The following EIF4G3 variants were observed in gnomAD, a reference collection of about 807,000 sequenced individuals.
EIF4G3 encodes eIF-4-gamma 3.
EIF4G3 carries 34 observed loss-of-function variants against 186.4 expected under a neutral mutation model. The ratio of observed to expected loss-of-function variants is 0.18; its 90% CI spans 0.14 to 0.24. EIF4G3 has a LOEUF of 0.24. EIF4G3 is among the 10% of genes least tolerant of loss of function. EIF4G3 has a pLI of 1.00. For missense variants in EIF4G3, 1,536 were observed against 1,948.5 expected (o/e 0.79, Z 3.99); for synonymous variants, 673 against 679.5 (o/e 0.99, Z 0.15).
chr1:20,936,756 A>G (rs1484907899), intron 14 of EIF4G3, among the ~76,000 whole-genome samples: 4 of 152,218 alleles, frequency 2.6e-5, no homozygotes, highest in African/African-American at 7.2e-5. Context: ...TGTTATTAAA[A>G]TATTTTTCTT....
chr1:21,025,088 A>T (rs2091859179), intron 4 of EIF4G3, among the ~76,000 whole-genome samples: 1 of 152,166 alleles, frequency 6.6e-6, no homozygotes, highest in Non-Finnish European at 1.5e-5. Flanking sequence ...AGGCAAAACA[A>T]GGAATATTTT....
chr1:21,040,056 T>C (rs999954396), intron 4 of EIF4G3, among the ~76,000 whole-genome samples: 2 of 152,204 alleles, frequency 1.3e-5, no homozygotes, highest in African/African-American at 2.4e-5. Context: ...TCACACAACT[T>C]CTAAAAACCT....
rs765620407 is a variant in EIF4G3, at chr1:20,807,460, C to T, written c.4785G>A (p.Glu1595=). 3.7e-6 allele frequency: 6 copies of T among 1,609,924 alleles called. No individual in the cohort carries two copies. Among genetic ancestry groups the T allele is most frequent in the Non-Finnish European group, 4.2e-6 (5 of 1,177,222 alleles). ...TGTAGAAGGCATCCTCGGAGATCAC[C>T]TCCTCGTCATATAGACAATCAAAAA... ...RMFFDCLYDE[E]VISEDAFYKW... is the part of the protein sequence containing the mutation. Residue 1595 remains glutamate (E), a synonymous_variant, in exon 37 of 37, where the codon GAG becomes GAA. Coordinates refer to ENST00000602326, the MANE Select transcript of EIF4G3 (RefSeq NM_001391906.1).
At chr1:20,906,585 T>C (rs1411299770) in intron 14 of EIF4G3, among the ~76,000 whole-genome samples, 2 of 151,994 alleles carry the variant, frequency 1.3e-5, no homozygotes, top group African/African-American at 4.8e-5. Context: ...CACAAATATA[T>C]CAAATATACT....
chr1:21,130,215 TC>T (rs1404173510), intron 2 of EIF4G3, among the ~76,000 whole-genome samples: 103 of 114,336 alleles, frequency 9.0e-4, no homozygotes, highest in Non-Finnish European at 1.5e-3. Flanking sequence ...AGACCCCATC[TC>T]TTTTTTTTTT....
chr1:21,057,388 G>T (rs995628751), intron 3 of EIF4G3, among the ~76,000 whole-genome samples: 1 of 152,030 alleles, frequency 6.6e-6, no homozygotes, highest in Non-Finnish European at 1.5e-5. Context: ...CTGAGTAAAA[G>T]ATTAAGAAGA....
At chr1:20,828,660 C>T (rs760270127) in intron 31 of EIF4G3, among the ~76,000 whole-genome samples, 2 of 152,148 alleles carry the variant, frequency 1.3e-5, no homozygotes. Flanking sequence ...TGGGAACCAC[C>T]GGTCTATATA....
intron 2 of EIF4G3, among the ~76,000 whole-genome samples, chr1:21,166,047 T>A (rs1036783114): frequency 1.6e-5 from 2 of 122,202 alleles, no homozygotes; most frequent in African/African-American, 5.6e-5. Flanking sequence ...TTTGTTCATA[T>A]TGATCACCCA....
At chr1:21,136,533 C>A (rs1037096545) in intron 2 of EIF4G3, among the ~76,000 whole-genome samples, 6 of 151,454 alleles carry the variant, frequency 4.0e-5, no homozygotes, top group African/African-American at 1.5e-4. Context: ...AAAACAAAAA[C>A]AAACAAACAA....
intron 2 of EIF4G3, among the ~76,000 whole-genome samples, chr1:21,122,795 C>T (rs2096950168): frequency 1.3e-5 from 2 of 152,136 alleles, no homozygotes; most frequent in African/African-American, 4.8e-5. Context: ...TCTTAGTCTG[C>T]CAGTTTGTAT....
At chr1:20,883,367 C>G (rs527513460) in intron 19 of EIF4G3, among the ~76,000 whole-genome samples, 4 of 152,056 alleles carry the variant, frequency 2.6e-5, no homozygotes, top group African/African-American at 9.7e-5. Context: ...GCCTGTAATC[C>G]CCGCACTTTG....
intron 4 of EIF4G3, among the ~76,000 whole-genome samples, chr1:21,008,261 A>T (rs1194726005): frequency 2.6e-5 from 4 of 152,238 alleles, no homozygotes; most frequent in African/African-American, 9.6e-5. Context: ...GAAATCTAGC[A>T]CAAAGAAAAC....
intron 33 of EIF4G3, among the ~76,000 whole-genome samples, chr1:20,820,882 G>T (rs1457224825): frequency 2.0e-5 from 3 of 152,020 alleles, no homozygotes; most frequent in African/African-American, 7.2e-5. Flanking sequence ...CCTGCCTGTG[G>T]AGAGGAGCTA....
At chr1:20,848,596 T>C (rs1378099274) in intron 29 of EIF4G3, among the ~76,000 whole-genome samples, 1 of 152,216 alleles carries the variant, frequency 6.6e-6, no homozygotes, top group African/African-American at 2.4e-5. Flanking sequence ...AGGTAAGGGT[T>C]AAAGGGCAAA....
chr1:20,847,933 T>C (rs1247746311), intron 29 of EIF4G3: 2 of 448,530 alleles, frequency 4.5e-6, no homozygotes, highest in East Asian at 7.0e-5. Flanking sequence ...GGAAAGCAGA[T>C]GATGATTACA....
intron 4 of EIF4G3, among the ~76,000 whole-genome samples, chr1:21,024,025 C>A (rs1005219268): frequency 1.3e-5 from 2 of 149,290 alleles, no homozygotes; most frequent in Non-Finnish European, 3.0e-5. Flanking sequence ...TGCCTGGCAA[C>A]CACCCCGTCT....
At chr1:21,006,033 C>T (rs745426795) in intron 4 of EIF4G3, among the ~76,000 whole-genome samples, 2 of 152,106 alleles carry the variant, frequency 1.3e-5, no homozygotes, top group African/African-American at 4.8e-5. Flanking sequence ...GAATGCTTAA[C>T]GGTGGCACAT....
At chr1:20,914,118 T>TC (rs1264744218) in intron 14 of EIF4G3, among the ~76,000 whole-genome samples, 5 of 151,966 alleles carry the variant, frequency 3.3e-5, no homozygotes, top group African/African-American at 7.3e-5. Context: ...TTTTTTTTTT[T>TC]CTTTTCTAAC....
In EIF4G3 at chr1:21,176,729, G is replaced by A. The variant is rs1157882640; in HGVS notation, c.-463C>T. On this transcript the variant is annotated 5_prime_UTR_variant, in exon 1 of 37. Transcript: ENST00000602326. ...GAGGCGGAGAGACCGGACCTTTCAC[G>A]GCAATATCCTCATGGGCCGGCGGCG... 1 of 684,890 alleles carries A rather than the reference G, an allele frequency of 1.5e-6. No individual in the cohort carries two copies. The highest frequency in any genetic ancestry group is 2.6e-6 in the Non-Finnish European group (1 of 377,570). The allele number at this position is 684,890 out of a possible 1,614,324, so 42.4% of individuals were successfully genotyped here. A position where few individuals can be genotyped will look rare whatever the true frequency, so the allele number is the denominator to read the frequency against.
Sources: gnomAD v4.1 joint callset for allele counts (sites outside exome capture counted in the v4.1 genomes callset) on GRCh38, gnomAD v4.1.1 for gene constraint, MANE v1.5 for transcripts, NCBI Gene and HGNC (gene_info 2026-07-23, HGNC 2026-07-21) for gene names.